The following CALN1 variants were observed in gnomAD, a reference collection of about 807,000 sequenced individuals.
The protein encoded by CALN1 is calcium-binding protein 8.
Under a neutral mutation model 30.6 loss-of-function variants are expected in CALN1, and 17 were observed. That is an observed-to-expected ratio of 0.56 (90% CI 0.38 to 0.83). CALN1 has a LOEUF of 0.83. Among genes scored for constraint, CALN1 ranks in the 40% least tolerant of loss-of-function variants. The pLI is 0.00. For missense variants in CALN1, 291 were observed against 354.9 expected (o/e 0.82, Z 1.45); for synonymous variants, 156 against 131.4 (o/e 1.19, Z -1.28).
intron 2 of CALN1, among the ~76,000 whole-genome samples, chr7:72,327,074 G>GGGACTACAGATGTGT (rs1801329156): frequency 6.6e-6 from 1 of 152,204 alleles, no homozygotes; most frequent in South Asian, 2.1e-4. Context: ...TATTGAGACT[G>GGGACTACAGATGTGT]AGTTTGTGGC....
At chr7:72,456,015 T>A in the CALN1 span, among the ~76,000 whole-genome samples, 1 of 151,856 alleles carries the variant, frequency 6.6e-6, no homozygotes, top group African/African-American at 2.4e-5. Flanking sequence ...TGAAACCCCA[T>A]CTCTACTAAA....
chr7:72,267,692 C>T (rs750792799), intron 3 of CALN1, among the ~76,000 whole-genome samples: 3 of 152,138 alleles, frequency 2.0e-5, no homozygotes, highest in African/African-American at 7.2e-5. Context: ...GGATTTTTCA[C>T]GTTTGCAAAA....
intron 2 of CALN1, among the ~76,000 whole-genome samples, chr7:72,394,403 G>A (rs982680653): frequency 3.9e-5 from 6 of 152,194 alleles, no homozygotes; most frequent in African/African-American, 1.4e-4. Context: ...AAGTTTGTAA[G>A]GATAAATGTT....
At chr7:72,240,792 A>G (rs1794778145) in intron 3 of CALN1, among the ~76,000 whole-genome samples, 1 of 152,212 alleles carries the variant, frequency 6.6e-6, no homozygotes. Context: ...TGTAGGGTCC[A>G]TCACTTCCAC....
chr7:71,910,819 C>T (rs1794389566), intron 5 of CALN1, among the ~76,000 whole-genome samples: 1 of 152,142 alleles, frequency 6.6e-6, no homozygotes, highest in East Asian at 1.9e-4. Flanking sequence ...TGAACCTGGG[C>T]ACTACCAATA....
chr7:72,097,253 A>G (rs538327716), intron 4 of CALN1, among the ~76,000 whole-genome samples: 1 of 152,354 alleles, frequency 6.6e-6, no homozygotes, highest in Non-Finnish European at 1.5e-5. Flanking sequence ...GCACGTGTAC[A>G]CATACATAAC....
In CALN1 at chr7:71,954,460, G is replaced by A. The variant is rs71551240; in HGVS notation, c.501+69197C>T. ...GGGCAACAGAGTGAGACTCCATCTC[G>A]AAAACTTAAAATTAAAAAAAAAATT... On this transcript the variant is annotated intron_variant, in intron 5 of 6. Coordinates refer to ENST00000395275, the MANE Select transcript of CALN1 (RefSeq NM_031468.4). Among the ~76,000 whole-genome samples, 981 of 151,536 alleles carry A rather than the reference G, an allele frequency of 6.5e-3. 6 individuals are homozygous for A. The highest frequency in any genetic ancestry group is 0.017 in the Admixed American group (258 of 15,178).
intron 5 of CALN1, among the ~76,000 whole-genome samples, chr7:71,938,398 G>A (rs1230194324): frequency 1.3e-5 from 2 of 152,152 alleles, no homozygotes; most frequent in African/African-American, 4.8e-5. Context: ...ATCAGGGAAA[G>A]GTCAGTTAAT....
At chr7:71,963,192 T>G (rs1797337459) in intron 5 of CALN1, among the ~76,000 whole-genome samples, 1 of 152,154 alleles carries the variant, frequency 6.6e-6, no homozygotes, top group Non-Finnish European at 1.5e-5. Flanking sequence ...AGACAGAGTC[T>G]TGCTCTGTCA....
intron 3 of CALN1, among the ~76,000 whole-genome samples, chr7:72,125,242 T>C (rs1029993856): frequency 6.6e-6 from 1 of 152,206 alleles, no homozygotes; most frequent in African/African-American, 2.4e-5. Flanking sequence ...CTCAAACTCC[T>C]GGCCTCAAGT....
intron 4 of CALN1, among the ~76,000 whole-genome samples, chr7:72,050,007 C>T (rs1461262404): frequency 6.8e-5 from 10 of 146,886 alleles, no homozygotes; most frequent in South Asian, 2.2e-4. Flanking sequence ...TTAGTGGAGA[C>T]GGGGTTTCAC....
chr7:72,389,777 G>C (rs970347410), intron 2 of CALN1, among the ~76,000 whole-genome samples: 3 of 151,842 alleles, frequency 2.0e-5, no homozygotes, highest in Non-Finnish European at 1.5e-5. Context: ...AAATTAGCTA[G>C]GCACAGTGGT....
intron 2 of CALN1, among the ~76,000 whole-genome samples, chr7:72,371,464 T>C (rs1177246363): frequency 6.6e-6 from 1 of 152,166 alleles, no homozygotes; most frequent in African/African-American, 2.4e-5. Flanking sequence ...CTGATGGTTT[T>C]ATAAAAGGAT....
chr7:72,308,263 C>G (rs1799786300), intron 2 of CALN1, among the ~76,000 whole-genome samples: 1 of 150,126 alleles, frequency 6.7e-6, no homozygotes, highest in African/African-American at 2.5e-5. Context: ...ACTTGGGAGG[C>G]CAAGGCACAA....
chr7:72,154,672 G>A (rs1016451322), intron 3 of CALN1, among the ~76,000 whole-genome samples: 24 of 152,096 alleles, frequency 1.6e-4, no homozygotes, highest in Admixed American at 4.6e-4. Flanking sequence ...ACCTCCAGCA[G>A]GGCTTTTAAG....
At chr7:72,332,717 G>C (rs1801757590) in intron 2 of CALN1, among the ~76,000 whole-genome samples, 1 of 152,018 alleles carries the variant, frequency 6.6e-6, no homozygotes, top group Non-Finnish European at 1.5e-5. Context: ...TATTCTTAAT[G>C]CGATCTTTAT....
the CALN1 span, among the ~76,000 whole-genome samples, chr7:72,462,238 A>G: frequency 4.1e-3 from 619 of 152,132 alleles, 5 homozygotes; most frequent in African/African-American, 0.013. Flanking sequence ...CTGGAGTGCA[A>G]TAATGCAACT....
At chr7:72,176,755 AAT>A (rs1310816918) in intron 3 of CALN1, among the ~76,000 whole-genome samples, 1 of 152,176 alleles carries the variant, frequency 6.6e-6, no homozygotes, top group African/African-American at 2.4e-5. Context: ...CCCAAAGTTC[AAT>A]AGAGTCTCCC....
chr7:72,397,751 C>CACCT lies in CALN1; in HGVS notation c.119+5499_119+5500insAGGT, dbSNP rs869209266. On this transcript the variant is annotated intron_variant, in intron 2 of 6. Transcript: ENST00000395275. The stretch of plus-strand genomic sequence containing the variant: ...ACACACACACACACACACACACACA[C>CACCT]CTTGCTCCAACCAAAGTGGGTCCTC... Among the ~76,000 whole-genome samples the CACCT allele has an allele frequency of 4.1e-5, 6 of 147,616 alleles. No homozygotes were observed. In the East Asian group the frequency reaches 1.0e-3, roughly 25 times the overall value.
Sources: allele counts gnomAD v4.1 joint callset (sites outside exome capture counted in the v4.1 genomes callset), GRCh38; gene constraint gnomAD v4.1.1; transcripts MANE v1.5; gene names NCBI Gene and HGNC (gene_info 2026-07-23, HGNC 2026-07-21).